NPY: variants seen among roughly 807,000 people sequenced by gnomAD.
NPY encodes the protein pro-neuropeptide Y.
A neutral mutation model predicts 13.2 loss-of-function variants in NPY; 11 were observed. That is an observed-to-expected ratio of 0.83 (90% CI 0.52 to 1.38). The LOEUF (loss-of-function observed/expected upper bound fraction) is 1.38. Among genes scored for constraint, NPY ranks in the 40% most tolerant of loss-of-function variants. The pLI is 0.00. For missense variants in NPY, 109 were observed against 125.1 expected (o/e 0.87, Z 0.61); for synonymous variants, 51 against 55.6 (o/e 0.92, Z 0.37).
At position 24,285,638 on chromosome 7, in the gene NPY, G is replaced by T. The variant is rs1338529254; in HGVS notation, c.188+210G>T. Among the ~76,000 whole-genome samples the T allele has an allele frequency of 6.6e-6, 1 of 152,092 alleles. No individual in the cohort carries two copies. Among genetic ancestry groups the T allele is most frequent in the African/African-American group, 2.4e-5 (1 of 41,390 alleles). ...TCCATTTTGTGCAACTACAGTCACA[G>T]AGTCGTGATCCCCAGATTCAGGTTC... On this transcript the variant is annotated intron_variant, in intron 2 of 3. Coordinates refer to ENST00000242152, the MANE Select transcript of NPY (RefSeq NM_000905.4). The surrounding 1 kb of genome is among the most constrained non-coding windows in gnomAD (Gnocchi z 4.9).
In NPY at chr7:24,285,307, G is replaced by T; in HGVS notation, c.67G>T (p.Gly23Cys). Residue 23 changes from glycine (G) to cysteine (C), a missense_variant, in exon 2 of 4, where the codon GGT becomes TGT. Transcript: ENST00000242152. The surrounding 1 kb of genome is among the most constrained non-coding windows in gnomAD (Gnocchi z 4.9). ...CGCCCTGTCCCTGCTCGTGTGCCTG[G>T]GTGCGCTGGCCGAGGCGTACCCCTC... ...TLALSLLVCL[G>C]ALAEAYPSKP... 6.2e-7 allele frequency: 1 copy of T among 1,614,066 alleles called. No homozygotes were observed. The highest frequency in any genetic ancestry group is 8.5e-7 in the Non-Finnish European group (1 of 1,180,010).
intron 3 of NPY, among the ~76,000 whole-genome samples, chr7:24,290,769 AATAATAATTATT>A (rs1787570923): frequency 5.5e-5 from 1 of 18,258 alleles, no homozygotes; most frequent in African/African-American, 2.1e-4. Context: ...AAATAATAAT[AATAATAATTATT>A]ATTATTATTC....
At chr7:24,289,609 T>G in intron 3 of NPY, 30 bp downstream of exon 3, 1 of 1,573,390 alleles carries the variant, frequency 6.4e-7, no homozygotes, top group Non-Finnish European at 8.7e-7. Flanking sequence ...GGGGACATTG[T>G]TGCAGAGCTC....
intron 3 of NPY, among the ~76,000 whole-genome samples, chr7:24,291,316 C>T (rs1787591498): frequency 6.6e-6 from 1 of 152,186 alleles, no homozygotes; most frequent in Non-Finnish European, 1.5e-5. Flanking sequence ...AGTTGAGGAA[C>T]AATAACTTTC....
rs147883258 is a variant in NPY, at chr7:24,286,826, C to T, written c.188+1398C>T. 7.0e-3 allele frequency among the ~76,000 whole-genome samples: 1,061 copies of T among 152,244 alleles called. 6 individuals are homozygous for T. Among genetic ancestry groups the T allele is most frequent in the Non-Finnish European group, 1.0e-2 (679 of 67,998 alleles). ...ATGCCGTCATGCAGATCAAAGAGAA[C>T]TTGTACAAACAAAAAGATATTAACT... On this transcript the variant is annotated intron_variant, in intron 2 of 3. Coordinates refer to ENST00000242152, the MANE Select transcript of NPY (RefSeq NM_000905.4).
chr7:24,286,478 G>T (rs948205888), intron 2 of NPY, among the ~76,000 whole-genome samples: 1 of 152,036 alleles, frequency 6.6e-6, no homozygotes, highest in East Asian at 1.9e-4. Context: ...AAGTATTGTG[G>T]GGTTTATATA....
At chr7:24,290,600 T>G (rs16476) in intron 3 of NPY, among the ~76,000 whole-genome samples, 65,945 of 151,474 alleles carry the variant, frequency 0.44, 14,619 homozygotes, top group Middle Eastern at 0.5. Context: ...ATGAAGGGTG[T>G]TAGTATAGAG....
At chr7:24,290,850 C>T (rs1169808495) in intron 3 of NPY, among the ~76,000 whole-genome samples, 1 of 151,152 alleles carries the variant, frequency 6.6e-6, no homozygotes, top group East Asian at 1.9e-4. Context: ...TCAAAGATCA[C>T]TGCAGCCTCG....
At chr7:24,289,450 G>C (rs1787515782) in intron 2 of NPY, 49 bp from the exon 3 acceptor site, 1 of 1,347,562 alleles carries the variant, frequency 7.4e-7, no homozygotes, top group Non-Finnish European at 1.0e-6. Context: ...TTTCCTAAAG[G>C]TTTTTATGCC....
rs766024490 is a variant in NPY at position 24,285,479 on chromosome 7, G to A, written c.188+51G>A. The A allele has an allele frequency of 1.9e-6, 3 of 1,554,222 alleles. No individual in the cohort carries two copies. The highest frequency in any genetic ancestry group is 2.3e-5 in the East Asian group (1 of 43,944). On this transcript the variant is annotated intron_variant, in intron 2 of 3. Transcript: ENST00000242152. This position sits in a 1 kb window ranked among gnomAD's most constrained non-coding sequence, Gnocchi z 4.9. ...CGGGAGCGCCAGTGCCTGCACACCA[G>A]GAGATCCTGGGGATGTTAGGGAAAG...
At chr7:24,290,775 A>AATAATAATAATAATAATTATTATT (rs10701264) in intron 3 of NPY, among the ~76,000 whole-genome samples, 6 of 129,638 alleles carry the variant, frequency 4.6e-5, no homozygotes, top group Non-Finnish European at 8.1e-5. Context: ...TAATAATAAT[A>AATAATAATAATAATAATTATTATT]ATTATTATTA....
At chr7:24,284,871 C>T (rs959383770) in intron 1 of NPY, 1 of 327,026 alleles carries the variant, frequency 3.1e-6, no homozygotes, top group Non-Finnish European at 5.8e-6. Context: ...ACTTTTCTTC[C>T]CAGACAAGAG....
Position 24,291,784 on chromosome 7 carries a change from A to T in NPY, c.*97A>T. On this transcript the variant is annotated 3_prime_UTR_variant, in exon 4 of 4. Transcript: ENST00000242152. The stretch of plus-strand genomic sequence containing the variant: ...ACCCATCCTACCAATGCATGCAGCC[A>T]CTGTGCTGAATTCTGCAATGTTTTC... 8.2e-6 allele frequency: 11 copies of T among 1,347,832 alleles called. No individual in the cohort carries two copies. The South Asian group carries it at 1.3e-4, about 16-fold the overall frequency. 83.5% of individuals were successfully genotyped at this position (1,347,832 alleles called of 1,614,324 possible).
At chr7:24,290,775 A>AATAATAATT (rs10701264) in intron 3 of NPY, among the ~76,000 whole-genome samples, 3,374 of 129,592 alleles carry the variant, frequency 0.026, 50 homozygotes, top group Middle Eastern at 0.061. Flanking sequence ...TAATAATAAT[A>AATAATAATT]ATTATTATTA....
chr7:24,290,399 C>T (rs1378968649), intron 3 of NPY, among the ~76,000 whole-genome samples: 2 of 152,118 alleles, frequency 1.3e-5, no homozygotes, highest in Non-Finnish European at 2.9e-5. Context: ...GGCAGCTTGG[C>T]TGCCTTAAAC....
chr7:24,286,828 T>A (rs543505654), intron 2 of NPY, among the ~76,000 whole-genome samples: 21 of 152,326 alleles, frequency 1.4e-4, no homozygotes, highest in Non-Finnish European at 2.4e-4. Context: ...AAAGAGAACT[T>A]GTACAAACAA....
At chr7:24,288,401 T>G (rs562508310) in intron 2 of NPY, among the ~76,000 whole-genome samples, 40 of 152,262 alleles carry the variant, frequency 2.6e-4, no homozygotes, top group African/African-American at 8.4e-4. Context: ...TCCAAAAAAT[T>G]TAGATATAAT....
chr7:24,291,619 G>T (rs922877784), intron 3 of NPY, 44 bp from the exon 4 acceptor site: 4 of 1,612,970 alleles, frequency 2.5e-6, no homozygotes, highest in Middle Eastern at 1.6e-4. Context: ...ACCTCAGGAA[G>T]TTGGGCAGCT....
At chr7:24,287,769 A>T (rs1252439719) in intron 2 of NPY, among the ~76,000 whole-genome samples, 3 of 152,186 alleles carry the variant, frequency 2.0e-5, no homozygotes, top group Non-Finnish European at 4.4e-5. Context: ...TACACAGAAT[A>T]GCCAGTCCCA....
Sources: allele counts gnomAD v4.1 joint callset (sites outside exome capture counted in the v4.1 genomes callset), GRCh38; gene constraint gnomAD v4.1.1; non-coding constraint Gnocchi (gnomAD v3.1); transcripts MANE v1.5; gene names NCBI Gene and HGNC (gene_info 2026-07-23, HGNC 2026-07-21).